The following RTL4 variants were observed in gnomAD, a reference collection of about 807,000 sequenced individuals.
The protein encoded by RTL4 is retrotransposon Gag like 4.
RTL4 carries 4 observed loss-of-function variants against 5.3 expected under a neutral mutation model. That is an observed-to-expected ratio of 0.75 (90% CI 0.37 to 1.72). The LOEUF (loss-of-function observed/expected upper bound fraction) is 1.72, where lower values mean the gene tolerates loss of function less well. RTL4 is among the 40% of genes most tolerant of loss of function. RTL4 has a pLI of 0.04. For synonymous variants in RTL4, 98 were observed against 87.3 expected, an observed-to-expected ratio of 1.12 and a Z score of -0.68; for missense variants, 260 against 227.1, an observed-to-expected ratio of 1.14 and a Z score of -0.93.
At chrX:112,138,008 A>G in the RTL4 span, among the ~76,000 whole-genome samples, 2 of 112,253 alleles carry the variant, frequency 1.8e-5, no homozygotes, top group Admixed American at 9.5e-5. Context: ...ATGTCCACTG[A>G]CAGATGGATT....
the RTL4 span, among the ~76,000 whole-genome samples, chrX:112,254,517 G>A: frequency 9.1e-6 from 1 of 110,111 alleles, no homozygotes; most frequent in Non-Finnish European, 1.9e-5. Context: ...TTTAGTAGAC[G>A]GGAGTTTCAC....
chrX:112,394,684 T>C, the RTL4 span, among the ~76,000 whole-genome samples: 305 of 112,050 alleles, frequency 2.7e-3, 2 homozygotes, highest in African/African-American at 9.5e-3. Context: ...TTAAAGAAGA[T>C]ATTTTGCAGG....
chrX:112,420,886 T>C, the RTL4 span, among the ~76,000 whole-genome samples: 3 of 112,253 alleles, frequency 2.7e-5, no homozygotes, highest in Admixed American at 9.4e-5. Context: ...TCTTTGCTTA[T>C]GCTCATCTTT....
At chrX:112,154,095 T>C in the RTL4 span, among the ~76,000 whole-genome samples, 3 of 111,190 alleles carry the variant, frequency 2.7e-5, no homozygotes, top group African/African-American at 9.8e-5. Flanking sequence ...TGATTCTTTC[T>C]TCCACCTTTT....
the RTL4 span, among the ~76,000 whole-genome samples, chrX:112,351,240 T>C: frequency 1.8e-5 from 2 of 109,416 alleles, no homozygotes; most frequent in Non-Finnish European, 3.8e-5. Flanking sequence ...GACAGTTTGT[T>C]ATAATTTCTG....
chrX:112,428,650 A>G, the RTL4 span, among the ~76,000 whole-genome samples: 2 of 111,771 alleles, frequency 1.8e-5, no homozygotes, highest in Non-Finnish European at 3.8e-5. Flanking sequence ...ATTTTTCTAT[A>G]GATGTCAATT....
the RTL4 span, among the ~76,000 whole-genome samples, chrX:112,418,736 G>A: frequency 9.1e-6 from 1 of 109,980 alleles, no homozygotes; most frequent in Non-Finnish European, 1.9e-5. Context: ...CTTAAGTCAT[G>A]AAGGAAAAAA....
chrX:112,278,879 G>T, the RTL4 span, among the ~76,000 whole-genome samples: 1 of 111,342 alleles, frequency 9.0e-6, no homozygotes, highest in Non-Finnish European at 1.9e-5. Context: ...AATTTGCGTT[G>T]AATTTATGAA....
chrX:112,259,626 T>C, the RTL4 span, among the ~76,000 whole-genome samples: 3 of 111,102 alleles, frequency 2.7e-5, no homozygotes, highest in Non-Finnish European at 5.7e-5. Context: ...CCCAGTTTTC[T>C]GTTTCCTTGT....
chrX:112,348,623 A>C, the RTL4 span, among the ~76,000 whole-genome samples: 2 of 110,625 alleles, frequency 1.8e-5, no homozygotes, highest in Non-Finnish European at 3.8e-5. Context: ...AGATAGACCT[A>C]GCATCTGGAT....
the RTL4 span, among the ~76,000 whole-genome samples, chrX:112,264,201 G>C: frequency 8.9e-6 from 1 of 112,122 alleles, no homozygotes. Flanking sequence ...TATTTGCAAA[G>C]TTCTATTCAA....
the RTL4 span, among the ~76,000 whole-genome samples, chrX:112,183,811 A>G: frequency 2.7e-5 from 3 of 111,921 alleles, no homozygotes; most frequent in Non-Finnish European, 5.6e-5. Context: ...CTTAAAGTAT[A>G]ATAAAAAATT....
the RTL4 span, among the ~76,000 whole-genome samples, chrX:112,239,490 G>A: frequency 9.0e-6 from 1 of 111,427 alleles, no homozygotes; most frequent in Non-Finnish European, 1.9e-5. Context: ...CGCCTTCCTG[G>A]TGTCAGCTTG....
chrX:112,447,373 T>C, the RTL4 span, among the ~76,000 whole-genome samples: 1 of 112,229 alleles, frequency 8.9e-6, no homozygotes, highest in Admixed American at 9.5e-5. Flanking sequence ...ATATAGTGTC[T>C]TGCAACACAG....
the RTL4 span, among the ~76,000 whole-genome samples, chrX:112,447,861 C>A: frequency 1.8e-5 from 2 of 112,001 alleles, no homozygotes. Flanking sequence ...AACATTAATA[C>A]AGAGAGTCTT....
At chrX:112,210,838 T>C in the RTL4 span, among the ~76,000 whole-genome samples, 1 of 112,436 alleles carries the variant, frequency 8.9e-6, no homozygotes, top group African/African-American at 3.2e-5. Context: ...GCCTGGATTT[T>C]ACAAAGTCCC....
At chrX:112,239,076 A>G in the RTL4 span, among the ~76,000 whole-genome samples, 1 of 111,512 alleles carries the variant, frequency 9.0e-6, no homozygotes, top group East Asian at 2.8e-4. Context: ...CTAAGATGGT[A>G]TTGATGGGCA....
the RTL4 span, among the ~76,000 whole-genome samples, chrX:112,189,419 C>A: frequency 5.4e-5 from 6 of 111,897 alleles, no homozygotes; most frequent in Non-Finnish European, 9.4e-5. Flanking sequence ...GCAATAATAA[C>A]ATACATATTG....
At chrX:112,161,258 A>G in the RTL4 span, among the ~76,000 whole-genome samples, 2 of 111,853 alleles carry the variant, frequency 1.8e-5, no homozygotes, top group African/African-American at 6.5e-5. Context: ...GGCTGTTCTT[A>G]TAGGTGCCTA....
Sources: allele counts gnomAD v4.1 joint callset (sites outside exome capture counted in the v4.1 genomes callset), GRCh38; gene constraint gnomAD v4.1.1; transcripts MANE v1.5; gene names NCBI Gene and HGNC (gene_info 2026-07-23, HGNC 2026-07-21).